The following CNTN5 variants were observed in gnomAD, a reference collection of about 807,000 sequenced individuals.
The protein encoded by CNTN5 is contactin-5.
Under a neutral mutation model 129.1 loss-of-function variants are expected in CNTN5, and 77 were observed. The ratio of observed to expected loss-of-function variants is 0.60; its 90% CI spans 0.50 to 0.72. The LOEUF (loss-of-function observed/expected upper bound fraction) is 0.72, where lower values mean the gene tolerates loss of function less well. Among genes scored for constraint, CNTN5 ranks in the 30% least tolerant of loss-of-function variants. The pLI is 0.00. For synonymous variants in CNTN5, 509 were observed against 465.6 expected, an observed-to-expected ratio of 1.09 and a Z score of -1.20; for missense variants, 1,478 against 1,328.8, an observed-to-expected ratio of 1.11 and a Z score of -1.75.
Position 100,061,371 on chromosome 11 carries a change from T to C in CNTN5, c.1140T>C (p.Phe380=). 1 of 1,598,978 alleles carries C rather than the reference T, an allele frequency of 6.3e-7. No homozygotes were observed. The highest frequency in any genetic ancestry group is 8.6e-7 in the Non-Finnish European group (1 of 1,168,414). The change falls in exon 10 of 25, where the codon TTT becomes TTC. Residue 380 remains phenylalanine, a synonymous_variant. Coordinates refer to ENST00000524871, the MANE Select transcript of CNTN5 (RefSeq NM_014361.4). ...RAENSRGKNS[F]RGQLQVYTYP... ...AAAACTCACGTGGAAAAAATTCCTT[T>C]CGTGGACAATTACAAGTATACAGTA...
intron 1 of CNTN5, among the ~76,000 whole-genome samples, chr11:99,201,350 CT>C (rs371138045): frequency 0.045 from 306 of 6,818 alleles, 5 homozygotes; most frequent in Middle Eastern, 0.12. Context: ...CCTTCCTTTC[CT>C]TTCCTTCCTT....
intron 2 of CNTN5, among the ~76,000 whole-genome samples, chr11:99,551,066 G>T (rs938375111): frequency 1.3e-5 from 2 of 152,210 alleles, no homozygotes; most frequent in Non-Finnish European, 2.9e-5. Flanking sequence ...CCTGCCATCA[G>T]ATCACTTCAT....
chr11:99,685,268 ATTG>A (rs1953739896), intron 3 of CNTN5, among the ~76,000 whole-genome samples: 1 of 151,680 alleles, frequency 6.6e-6, no homozygotes, highest in Admixed American at 6.6e-5. Flanking sequence ...GTTTTAATCT[ATTG>A]TTATCGAGAA....
At chr11:99,582,919 GT>G (rs984014323) in intron 3 of CNTN5, among the ~76,000 whole-genome samples, 1 of 152,128 alleles carries the variant, frequency 6.6e-6, no homozygotes, top group African/African-American at 2.4e-5. Flanking sequence ...AGAGTTTCTG[GT>G]TTTTCTGCTT....
At chr11:99,323,341 C>T (rs1204560160) in intron 1 of CNTN5, among the ~76,000 whole-genome samples, 1 of 151,962 alleles carries the variant, frequency 6.6e-6, no homozygotes, top group Non-Finnish European at 1.5e-5. Flanking sequence ...TGAGTTTATT[C>T]CAGAGACAAA....
At chr11:100,271,735 A>G (rs1384383172) in intron 18 of CNTN5, among the ~76,000 whole-genome samples, 1 of 152,198 alleles carries the variant, frequency 6.6e-6, no homozygotes, top group African/African-American at 2.4e-5. Flanking sequence ...CCTGAAGTCT[A>G]TATGTAAAAT....
At chr11:99,672,980 T>C (rs1348727948) in intron 3 of CNTN5, among the ~76,000 whole-genome samples, 1 of 152,118 alleles carries the variant, frequency 6.6e-6, no homozygotes, top group Admixed American at 6.6e-5. Context: ...TGGTGTTTCA[T>C]GGTGGGACAC....
intron 3 of CNTN5, among the ~76,000 whole-genome samples, chr11:99,596,304 G>A (rs1327638068): frequency 6.6e-6 from 1 of 152,080 alleles, no homozygotes; most frequent in Non-Finnish European, 1.5e-5. Flanking sequence ...GATGAATTCA[G>A]TCATTGACTA....
intron 13 of CNTN5, among the ~76,000 whole-genome samples, chr11:100,111,549 G>C (rs558559261): frequency 2.6e-5 from 4 of 152,260 alleles, no homozygotes; most frequent in African/African-American, 9.6e-5. Flanking sequence ...TCTACCAAAA[G>C]AGACAATAAT....
chr11:99,671,669 A>G (rs1266693557), intron 3 of CNTN5, among the ~76,000 whole-genome samples: 1 of 152,210 alleles, frequency 6.6e-6, no homozygotes, highest in African/African-American at 2.4e-5. Flanking sequence ...CTTGCTGAAA[A>G]TATGTATTAC....
intron 2 of CNTN5, among the ~76,000 whole-genome samples, chr11:99,492,701 C>T (rs556182643): frequency 6.6e-6 from 1 of 152,188 alleles, no homozygotes; most frequent in African/African-American, 2.4e-5. Context: ...ATAACAAATT[C>T]ATTCAATGTC....
intron 1 of CNTN5, among the ~76,000 whole-genome samples, chr11:99,146,311 G>A (rs1859782509): frequency 6.6e-6 from 1 of 152,050 alleles, no homozygotes; most frequent in South Asian, 2.1e-4. Flanking sequence ...TTATCCATTT[G>A]CAAAATGCTG....
chr11:99,895,690 C>T (rs530561249), intron 6 of CNTN5, among the ~76,000 whole-genome samples: 11 of 152,086 alleles, frequency 7.2e-5, no homozygotes, highest in African/African-American at 9.7e-5. Flanking sequence ...GGGGATCACA[C>T]TTCTGCCATG....
intron 3 of CNTN5, among the ~76,000 whole-genome samples, chr11:99,738,335 C>T (rs575335687): frequency 6.6e-6 from 1 of 152,176 alleles, no homozygotes; most frequent in South Asian, 2.1e-4. Flanking sequence ...TCAGAAGAAA[C>T]CAAACCTGTC....
intron 9 of CNTN5, among the ~76,000 whole-genome samples, chr11:100,008,156 A>C (rs1402132132): frequency 6.6e-6 from 1 of 152,092 alleles, no homozygotes; most frequent in African/African-American, 2.4e-5. Context: ...CTAATCACAG[A>C]TCATTATAAC....
intron 3 of CNTN5, among the ~76,000 whole-genome samples, chr11:99,739,894 T>TA (rs1943835363): frequency 6.6e-6 from 1 of 152,144 alleles, no homozygotes; most frequent in Non-Finnish European, 1.5e-5. Context: ...CACAAGGGAC[T>TA]AGGTGTGTTA....
chr11:100,198,781 G>A (rs1293961825), intron 15 of CNTN5, among the ~76,000 whole-genome samples: 1 of 151,916 alleles, frequency 6.6e-6, no homozygotes, highest in African/African-American at 2.4e-5. Flanking sequence ...TGCCAAGCAT[G>A]AGACTCATAA....
At chr11:99,550,326 CT>C (rs1386953334) in intron 2 of CNTN5, among the ~76,000 whole-genome samples, 1 of 152,184 alleles carries the variant, frequency 6.6e-6, no homozygotes, top group Non-Finnish European at 1.5e-5. Context: ...GAGACACATT[CT>C]TCTTTATTCC....
chr11:100,003,193 A>G (rs1939985514), intron 9 of CNTN5, among the ~76,000 whole-genome samples: 1 of 152,194 alleles, frequency 6.6e-6, no homozygotes, highest in South Asian at 2.1e-4. Context: ...ATAATAGACT[A>G]TAAGCAAAAT....
Sources: gnomAD v4.1 joint callset for allele counts (sites outside exome capture counted in the v4.1 genomes callset) on GRCh38, gnomAD v4.1.1 for gene constraint, MANE v1.5 for transcripts, NCBI Gene and HGNC (gene_info 2026-07-23, HGNC 2026-07-21) for gene names.